The following TYW1 variants were observed in gnomAD, a reference collection of about 807,000 sequenced individuals.
TYW1 encodes tRNA-yW synthesizing protein 1 homolog.
A neutral mutation model predicts 96.2 loss-of-function variants in TYW1; 46 were observed. The ratio of observed to expected loss-of-function variants is 0.48; its 90% confidence interval spans 0.38 to 0.61. The LOEUF (loss-of-function observed/expected upper bound fraction) is 0.61. TYW1 is among the 20% of genes least tolerant of loss of function. TYW1 has a pLI of 0.00. For synonymous variants in TYW1, 274 were observed against 323.0 expected, an observed-to-expected ratio of 0.85 and a Z score of 1.63; for missense variants, 684 against 909.6, an observed-to-expected ratio of 0.75 and a Z score of 3.19.
rs377385880 is a variant in TYW1, at chr7:67,128,539, T to C, written c.1698+10921T>C. Among the ~76,000 whole-genome samples the C allele has an allele frequency of 9.8e-5, 15 of 152,302 alleles. No homozygotes were observed. The East Asian group carries it at 1.9e-3, about 20-fold the overall frequency. Reference sequence around the variant, plus strand: ...ATCCTTGTGCTATCTCTTTAAACTTTGCTTTTTGCCTTTTAGTGTGCCTTG... The same window carrying C: ...ATCCTTGTGCTATCTCTTTAAACTTCGCTTTTTGCCTTTTAGTGTGCCTTG... On this transcript the variant is annotated intron_variant, in intron 13 of 15. Coordinates refer to ENST00000359626, the MANE Select transcript of TYW1 (RefSeq NM_018264.4).
chr7:67,055,490 G>C (rs1161780164), intron 8 of TYW1, among the ~76,000 whole-genome samples: 1 of 151,680 alleles, frequency 6.6e-6, no homozygotes, highest in Non-Finnish European at 1.5e-5. Context: ...TCCCAATTAC[G>C]CGGGAGTCTG....
intron 13 of TYW1, among the ~76,000 whole-genome samples, chr7:67,158,227 T>A (rs1799048339): frequency 1.3e-5 from 2 of 151,802 alleles, no homozygotes; most frequent in Admixed American, 6.6e-5. Context: ...TAGCTGGGAT[T>A]ACAGGTGTGC....
At chr7:67,217,468 T>C (rs1422967079) in intron 15 of TYW1, among the ~76,000 whole-genome samples, 1 of 152,214 alleles carries the variant, frequency 6.6e-6, no homozygotes, top group Non-Finnish European at 1.5e-5. Flanking sequence ...CCTCATTGCT[T>C]TGCATGTAGT....
At chr7:67,065,010 T>C (rs185773209) in intron 9 of TYW1, among the ~76,000 whole-genome samples, 3 of 152,354 alleles carry the variant, frequency 2.0e-5, no homozygotes, top group African/African-American at 7.2e-5. Flanking sequence ...CATCCTCTTC[T>C]CACATGCTTC....
intron 10 of TYW1, among the ~76,000 whole-genome samples, chr7:67,076,821 C>T (rs1344487114): frequency 6.9e-6 from 1 of 144,268 alleles, no homozygotes; most frequent in African/African-American, 2.6e-5. Context: ...GTTGCCCAGG[C>T]TGGAGTGCAA....
chr7:67,123,070 G>A (rs1797808116), intron 13 of TYW1, among the ~76,000 whole-genome samples: 1 of 152,124 alleles, frequency 6.6e-6, no homozygotes, highest in South Asian at 2.1e-4. Context: ...GCTTTAGGAT[G>A]AGCTCGTCTC....
At chr7:67,096,455 T>C (rs184455195) in intron 11 of TYW1, among the ~76,000 whole-genome samples, 5 of 152,258 alleles carry the variant, frequency 3.3e-5, no homozygotes, top group Non-Finnish European at 5.9e-5. Flanking sequence ...ATGAACACGC[T>C]TCTCCCCTAG....
chr7:67,071,919 G>A (rs1210611983), intron 10 of TYW1, among the ~76,000 whole-genome samples: 3 of 151,444 alleles, frequency 2.0e-5, no homozygotes, highest in Admixed American at 6.6e-5. Context: ...ACCATACCCG[G>A]CCTGGAACAC....
chr7:66,999,292 A>T (rs1323494837), intron 3 of TYW1, among the ~76,000 whole-genome samples: 2 of 152,178 alleles, frequency 1.3e-5, no homozygotes, highest in Admixed American at 6.5e-5. Flanking sequence ...GGGAATAGGG[A>T]AAAAAGGATG....
chr7:67,136,675 GTGTGTGTGTGTATA>G (rs1226052217), intron 13 of TYW1, among the ~76,000 whole-genome samples: 1 of 149,522 alleles, frequency 6.7e-6, no homozygotes, highest in African/African-American at 2.5e-5. Context: ...GTGTGTGTGT[GTGTGTGTGTGTATA>G]TATATATATG....
intron 15 of TYW1, among the ~76,000 whole-genome samples, chr7:67,225,688 T>C (rs73144525): frequency 1.3e-5 from 2 of 151,028 alleles, no homozygotes. Flanking sequence ...TAGAGAAATA[T>C]CAGAGGAAAT....
intron 9 of TYW1, 29 bp downstream of exon 9, chr7:67,055,916 C>G (rs1795500931): frequency 1.9e-6 from 3 of 1,569,538 alleles, no homozygotes; most frequent in Non-Finnish European, 1.7e-6. Context: ...TTCAATATGT[C>G]TATTACATGC....
intron 3 of TYW1, among the ~76,000 whole-genome samples, chr7:67,002,759 G>T (rs1793445193): frequency 6.6e-6 from 1 of 150,844 alleles, no homozygotes; most frequent in Non-Finnish European, 1.5e-5. Flanking sequence ...TTTTTTCTGG[G>T]ATTCCTGTGG....
intron 4 of TYW1, 71 bp from the exon 5 acceptor site, chr7:67,014,296 T>C (rs1376403506): frequency 4.0e-6 from 6 of 1,516,590 alleles, no homozygotes; most frequent in East Asian, 4.6e-5. Context: ...ATGCTTTTTT[T>C]CAAAGGATTT....
chr7:67,197,326 C>CTT (rs35406844), intron 15 of TYW1, among the ~76,000 whole-genome samples: 36 of 142,552 alleles, frequency 2.5e-4, no homozygotes, highest in Non-Finnish European at 4.6e-4. Context: ...AGACCTCTGT[C>CTT]TTTTTTTTTT....
intron 12 of TYW1, among the ~76,000 whole-genome samples, chr7:67,115,287 G>A (rs1402113306): frequency 1.3e-5 from 2 of 148,512 alleles, no homozygotes; most frequent in African/African-American, 2.5e-5. Flanking sequence ...AGGAAGCATA[G>A]CTTGTCTTTT....
chr7:67,010,221 T>G (rs1351217642), intron 4 of TYW1, among the ~76,000 whole-genome samples: 1 of 152,124 alleles, frequency 6.6e-6, no homozygotes, highest in Non-Finnish European at 1.5e-5. Context: ...GGTCTGAAAC[T>G]CCTGGCCTCA....
chr7:67,044,119 T>G lies in TYW1; in HGVS notation c.985-5830T>G, dbSNP rs1389749844. Among the ~76,000 whole-genome samples, 4 of 140,692 alleles carry G rather than the reference T, an allele frequency of 2.8e-5. No individual in the cohort carries two copies. The East Asian group carries it at 1.1e-3, about 39-fold the overall frequency. 92.3% of individuals were successfully genotyped at this position (140,692 alleles called of 152,430 possible). On this transcript the variant is annotated intron_variant, in intron 7 of 15. Transcript: ENST00000359626. ...ATTAAGCATGAATAAGAGTTTTTTT[T>G]TTTTTTTTTTTGAGATGAAGTCTTG...
At chr7:67,136,683 G>GTA (rs1798268991) in intron 13 of TYW1, among the ~76,000 whole-genome samples, 1 of 104,516 alleles carries the variant, frequency 9.6e-6, no homozygotes, top group East Asian at 2.4e-4. Context: ...GTGTGTGTGT[G>GTA]TGTATATATA....
Sources: gnomAD v4.1 joint callset for allele counts (sites outside exome capture counted in the v4.1 genomes callset) on GRCh38, gnomAD v4.1.1 for gene constraint, MANE v1.5 for transcripts, NCBI Gene and HGNC (gene_info 2026-07-23, HGNC 2026-07-21) for gene names.